Variants in KLHL1 observed in about 807,000 individuals in gnomAD.
KLHL1 encodes the protein kelch like family member 1, also known as kelch-like protein 1.
KLHL1 carries 47 observed loss-of-function variants against 77.7 expected under a neutral mutation model. That is an observed-to-expected ratio of 0.60 (90% CI 0.48 to 0.77). The LOEUF (loss-of-function observed/expected upper bound fraction) is 0.77. KLHL1 is among the 30% of genes least tolerant of loss of function. KLHL1 has a pLI of 0.00. For synonymous variants in KLHL1, 360 were observed against 325.2 expected (o/e 1.11, Z -1.15); for missense variants, 925 against 910.8 (o/e 1.02, Z -0.20).
intron 5 of KLHL1, among the ~76,000 whole-genome samples, chr13:69,858,118 G>T (rs1879992345): frequency 6.6e-6 from 1 of 152,060 alleles, no homozygotes; most frequent in Admixed American, 6.6e-5. Context: ...GACATCAGTG[G>T]GCACCAGCAT....
chr13:69,783,362 C>A (rs578241404), intron 7 of KLHL1, among the ~76,000 whole-genome samples: 1 of 151,970 alleles, frequency 6.6e-6, no homozygotes, highest in Non-Finnish European at 1.5e-5. Flanking sequence ...AGTCTCCAGA[C>A]GATCAAACTA....
intron 5 of KLHL1, among the ~76,000 whole-genome samples, chr13:69,852,286 T>G (rs573876970): frequency 6.6e-6 from 1 of 152,058 alleles, no homozygotes; most frequent in East Asian, 1.9e-4. Flanking sequence ...CATCTGGAAC[T>G]GTAAGAAATG....
At chr13:69,973,625 C>A (rs1884460608) in intron 2 of KLHL1, among the ~76,000 whole-genome samples, 2 of 151,696 alleles carry the variant, frequency 1.3e-5, no homozygotes, top group African/African-American at 4.8e-5. Context: ...CATTTTAAGT[C>A]AAGAGCTAGT....
At chr13:69,782,839 A>C (rs1052526765) in intron 7 of KLHL1, among the ~76,000 whole-genome samples, 1 of 152,186 alleles carries the variant, frequency 6.6e-6, no homozygotes, top group Non-Finnish European at 1.5e-5. Flanking sequence ...GCAGCTGGTG[A>C]TCTGAGAATG....
intron 5 of KLHL1, among the ~76,000 whole-genome samples, chr13:69,855,851 T>A (rs936860968): frequency 1.6e-5 from 2 of 127,794 alleles, no homozygotes; most frequent in African/African-American, 6.4e-5. Flanking sequence ...GTATTATATA[T>A]GTTATATAAT....
rs78050858 is a variant in KLHL1, at chr13:69,994,075, C to T, written c.498-18273G>A. Among the ~76,000 whole-genome samples, 255 of 152,110 alleles carry T rather than the reference C, an allele frequency of 1.7e-3. 8 individuals carry two copies. The East Asian group carries it at 0.044, about 26-fold the overall frequency. On this transcript the variant is annotated intron_variant, in intron 1 of 10. Coordinates refer to ENST00000377844, the MANE Select transcript of KLHL1 (RefSeq NM_020866.3). ...AAAGGACTAATGATAAGCTTAGGGC[C>T]TATGACTCCAAATTCAAGGCACAGA...
chr13:69,755,116 T>G (rs751792777), intron 7 of KLHL1, among the ~76,000 whole-genome samples: 4 of 152,038 alleles, frequency 2.6e-5, no homozygotes, highest in Non-Finnish European at 5.9e-5. Flanking sequence ...GATTGGGTCA[T>G]GGGGGTGGAT....
Position 69,789,327 on chromosome 13 carries a change from A to G in KLHL1, c.1639+7411T>C, listed in dbSNP as rs186907467. The stretch of plus-strand genomic sequence containing the variant: ...CTTGACAAAATAAGTCTTATTTAAT[A>G]AATTAAAAATATAAAAAATCAAAAT... On this transcript the variant is annotated intron_variant, in intron 7 of 10. Coordinates refer to ENST00000377844, the MANE Select transcript of KLHL1 (RefSeq NM_020866.3). Among the ~76,000 whole-genome samples, 399 of 151,754 alleles carry G rather than the reference A, an allele frequency of 2.6e-3. 4 individuals carry two copies. Among genetic ancestry groups the G allele is most frequent in the African/African-American group, 9.1e-3 (378 of 41,452 alleles).
intron 4 of KLHL1, among the ~76,000 whole-genome samples, chr13:69,913,315 C>T (rs936286768): frequency 6.6e-6 from 1 of 152,298 alleles, no homozygotes; most frequent in African/African-American, 2.4e-5. Flanking sequence ...ATATCCAAAG[C>T]CCCTTGGAGA....
intron 3 of KLHL1, among the ~76,000 whole-genome samples, chr13:69,950,343 T>A (rs9542129): frequency 6.9e-6 from 1 of 144,812 alleles, no homozygotes; most frequent in Non-Finnish European, 1.5e-5. Context: ...GAACAAGGAA[T>A]TGTTTTCAGA....
intron 8 of KLHL1, among the ~76,000 whole-genome samples, chr13:69,737,707 C>T (rs967782739): frequency 1.3e-5 from 2 of 152,186 alleles, no homozygotes; most frequent in African/African-American, 4.8e-5. Context: ...TTCAGCATCC[C>T]CAGCCAGGGA....
intron 7 of KLHL1, among the ~76,000 whole-genome samples, chr13:69,787,490 A>G (rs1876618791): frequency 6.6e-6 from 1 of 152,194 alleles, no homozygotes; most frequent in Non-Finnish European, 1.5e-5. Context: ...CCTTCCTTAC[A>G]CTTTATACAA....
chr13:69,952,024 T>G (rs1010355229), intron 3 of KLHL1, among the ~76,000 whole-genome samples: 2 of 151,440 alleles, frequency 1.3e-5, no homozygotes, highest in Non-Finnish European at 3.0e-5. Context: ...ATAGTGCACT[T>G]TGAAGCCATC....
chr13:69,748,537 T>C (rs1346034852), intron 7 of KLHL1, among the ~76,000 whole-genome samples: 1 of 151,846 alleles, frequency 6.6e-6, no homozygotes, highest in South Asian at 2.1e-4. Flanking sequence ...TCCCATAACA[T>C]GTGAGAATTA....
At chr13:69,822,193 A>G (rs375966863) in intron 6 of KLHL1, among the ~76,000 whole-genome samples, 1,857 of 138,140 alleles carry the variant, frequency 0.013, 41 homozygotes, top group African/African-American at 0.048. Flanking sequence ...GGGAGACTCC[A>G]TCTCAAAAAA....
intron 1 of KLHL1, among the ~76,000 whole-genome samples, chr13:70,106,238 T>C (rs902034122): frequency 1.3e-5 from 2 of 152,108 alleles, no homozygotes; most frequent in South Asian, 2.1e-4. Context: ...AATTTCTTAA[T>C]ATATACATTA....
intron 6 of KLHL1, among the ~76,000 whole-genome samples, chr13:69,822,097 G>A (rs573926847): frequency 2.6e-5 from 4 of 151,530 alleles, no homozygotes; most frequent in Non-Finnish European, 4.4e-5. Context: ...TACTTGGGAG[G>A]CTGAGGCAGG....
At chr13:69,801,763 A>G (rs17085405) in intron 6 of KLHL1, among the ~76,000 whole-genome samples, 15,956 of 152,152 alleles carry the variant, frequency 0.1, 962 homozygotes, top group African/African-American at 0.15. Flanking sequence ...TATAGACTAT[A>G]TGTTAGTTAA....
chr13:70,107,375 C>A lies in KLHL1; in HGVS notation c.325G>T (p.Gly109Trp), dbSNP rs1357429939. 1.2e-6 allele frequency: 2 copies of A among 1,614,176 alleles called. No individual in the cohort carries two copies. Among genetic ancestry groups the A allele is most frequent in the South Asian group, 1.1e-5 (1 of 91,088 alleles). The change falls in exon 1 of 11, where the codon GGG becomes TGG. Residue 109 changes from glycine to tryptophan, a missense_variant. Coordinates refer to ENST00000377844, the MANE Select transcript of KLHL1 (RefSeq NM_020866.3). ...VATRLQQGAPGQGTQQPARTL... is the reference protein window; with the variant it reads ...VATRLQQGAPWQGTQQPARTL... The stretch of plus-strand genomic sequence containing the variant: ...CTGGCTGGCTGCTGAGTGCCCTGCC[C>A]AGGAGCCCCTTGCTGCAGCCTCGTG...
Sources: allele counts gnomAD v4.1 joint callset (sites outside exome capture counted in the v4.1 genomes callset), GRCh38; gene constraint gnomAD v4.1.1; transcripts MANE v1.5; gene names NCBI Gene and HGNC (gene_info 2026-07-23, HGNC 2026-07-21).